ZNF385D: variants seen among roughly 807,000 people sequenced by gnomAD.
ZNF385D encodes zinc finger protein 659.
Under a neutral mutation model 35.8 loss-of-function variants are expected in ZNF385D, and 15 were observed. The ratio of observed to expected loss-of-function variants is 0.42; its 90% CI spans 0.28 to 0.64. The LOEUF is 0.64. Ranked by LOEUF, ZNF385D falls within the 30% of genes least tolerant of loss-of-function variation. The pLI is 0.23. For synonymous variants in ZNF385D, 212 were observed against 186.8 expected (o/e 1.13, Z -1.10); for missense variants, 474 against 494.6 (o/e 0.96, Z 0.39).
chr3:21,765,862 G>A (rs151016292), intron 3 of ZNF385D, among the ~76,000 whole-genome samples: 148 of 152,112 alleles, frequency 9.7e-4, no homozygotes, highest in African/African-American at 3.0e-3. Flanking sequence ...TAATTATCTC[G>A]TGTTTTCCCT....
At chr3:21,623,140 T>C (rs984392733) in intron 2 of ZNF385D, among the ~76,000 whole-genome samples, 3 of 152,122 alleles carry the variant, frequency 2.0e-5, no homozygotes, top group Non-Finnish European at 1.5e-5. Context: ...TTTCCTCATC[T>C]GTATGTAAAG....
At chr3:22,143,182 A>C (rs1576393995) in intron 3 of ZNF385D, among the ~76,000 whole-genome samples, 1 of 149,564 alleles carries the variant, frequency 6.7e-6, no homozygotes, top group African/African-American at 2.5e-5. Flanking sequence ...TCCCAAGTTC[A>C]CTCCATTCTC....
At chr3:21,704,644 G>C (rs1052424914) in intron 1 of ZNF385D, among the ~76,000 whole-genome samples, 4 of 151,764 alleles carry the variant, frequency 2.6e-5, no homozygotes, top group Non-Finnish European at 5.9e-5. Flanking sequence ...GAGTAGCTGG[G>C]ACTACAGGCA....
chr3:22,213,643 A>C (rs1463123903), intron 2 of ZNF385D, among the ~76,000 whole-genome samples: 3 of 151,994 alleles, frequency 2.0e-5, no homozygotes, highest in Non-Finnish European at 2.9e-5. Context: ...CAAGTTAAAA[A>C]ACCTCCTCAT....
At chr3:21,549,999 G>C (rs897328492) in intron 3 of ZNF385D, among the ~76,000 whole-genome samples, 2 of 152,092 alleles carry the variant, frequency 1.3e-5, no homozygotes, top group Admixed American at 6.5e-5. Flanking sequence ...CCCTCAAAAT[G>C]GAATTTATAA....
chr3:22,182,595 G>A (rs1432379395), intron 2 of ZNF385D, among the ~76,000 whole-genome samples: 2 of 151,214 alleles, frequency 1.3e-5, no homozygotes, highest in South Asian at 2.1e-4. Flanking sequence ...TATCACTATC[G>A]AATTTGACTT....
intron 3 of ZNF385D, among the ~76,000 whole-genome samples, chr3:21,761,045 C>A (rs1342900728): frequency 1.3e-5 from 2 of 152,070 alleles, no homozygotes; most frequent in Non-Finnish European, 2.9e-5. Flanking sequence ...TTAGGAATAG[C>A]CACCTGCCAT....
At chr3:21,439,424 A>G (rs1701748033) in intron 4 of ZNF385D, among the ~76,000 whole-genome samples, 1 of 151,842 alleles carries the variant, frequency 6.6e-6, no homozygotes, top group Admixed American at 6.6e-5. Flanking sequence ...CTCTATCAGG[A>G]GTGATAACCG....
chr3:21,620,549 G>T (rs1053100654), intron 2 of ZNF385D, among the ~76,000 whole-genome samples: 1 of 152,126 alleles, frequency 6.6e-6, no homozygotes. Flanking sequence ...ATATGCCAGG[G>T]CATTTTTCCT....
At chr3:22,262,732 T>C (rs182848611) in intron 2 of ZNF385D, among the ~76,000 whole-genome samples, 1 of 152,082 alleles carries the variant, frequency 6.6e-6, no homozygotes, top group East Asian at 2.0e-4. Context: ...ACCAACTACC[T>C]GTACAAACTT....
At chr3:22,026,656 T>C (rs954263109) in intron 3 of ZNF385D, among the ~76,000 whole-genome samples, 12 of 152,146 alleles carry the variant, frequency 7.9e-5, no homozygotes, top group African/African-American at 2.9e-4. Flanking sequence ...GCTGGCAGAG[T>C]CCTCACATTG....
At chr3:21,634,872 C>T (rs2065383233) in intron 2 of ZNF385D, among the ~76,000 whole-genome samples, 1 of 151,308 alleles carries the variant, frequency 6.6e-6, no homozygotes, top group African/African-American at 2.4e-5. Flanking sequence ...TATGAAGAGA[C>T]AACAATTGTC....
chr3:21,910,711 A>G (rs935064115), intron 3 of ZNF385D, among the ~76,000 whole-genome samples: 1 of 151,644 alleles, frequency 6.6e-6, no homozygotes, highest in Non-Finnish European at 1.5e-5. Context: ...AGTAACATGC[A>G]TGGGCCAGGG....
chr3:21,589,878 T>A (rs1297025301), intron 2 of ZNF385D, among the ~76,000 whole-genome samples: 3 of 152,132 alleles, frequency 2.0e-5, no homozygotes, highest in African/African-American at 7.2e-5. Flanking sequence ...CAAAAAGAAC[T>A]CTTATACATC....
intron 2 of ZNF385D, among the ~76,000 whole-genome samples, chr3:22,355,048 ATT>A (rs920835122): frequency 9.2e-5 from 14 of 151,958 alleles, no homozygotes; most frequent in African/African-American, 3.4e-4. Flanking sequence ...GAAATTATAC[ATT>A]TGTTTGTGAG....
At chr3:21,653,545 TTCTC>T (rs1018792403) in intron 2 of ZNF385D, among the ~76,000 whole-genome samples, 3 of 152,098 alleles carry the variant, frequency 2.0e-5, no homozygotes, top group African/African-American at 7.2e-5. Context: ...TGTATGTTTT[TTCTC>T]TCTAAAATTA....
intron 1 of ZNF385D, among the ~76,000 whole-genome samples, chr3:21,711,646 T>C (rs1323262797): frequency 2.0e-5 from 3 of 152,212 alleles, no homozygotes; most frequent in Non-Finnish European, 4.4e-5. Flanking sequence ...TCACTCATTC[T>C]GCCTCTTCAA....
Position 21,812,601 on chromosome 3 carries a change from G to C in ZNF385D, c.326-147573C>G, listed in dbSNP as rs375459029. Among the ~76,000 whole-genome samples the C allele has an allele frequency of 1.3e-4, 20 of 152,338 alleles. No individual in the cohort carries two copies. In the East Asian group the frequency reaches 3.5e-3, roughly 26 times the overall value. The stretch of plus-strand genomic sequence containing the variant: ...GCCCACGGAGCCTTGCTCACTGCTA[G>C]CACAGCAGTCCGAGATCGAACTGCA... On this transcript the variant is annotated intron_variant, in intron 3 of 5. Coordinates refer to the ZNF385D transcript ENST00000494108.
At chr3:22,288,883 GTCAGAGA>G (rs1290708114) in intron 2 of ZNF385D, among the ~76,000 whole-genome samples, 1 of 152,078 alleles carries the variant, frequency 6.6e-6, no homozygotes, top group Non-Finnish European at 1.5e-5. Context: ...AATCCATCCA[GTCAGAGA>G]TCCTAAAGTG....
Sources: allele counts gnomAD v4.1 joint callset (sites outside exome capture counted in the v4.1 genomes callset), GRCh38; gene constraint gnomAD v4.1.1; transcripts MANE v1.5; gene names NCBI Gene and HGNC (gene_info 2026-07-23, HGNC 2026-07-21).